KCNH7: variants seen among roughly 807,000 people sequenced by gnomAD.
KCNH7 encodes voltage-gated inwardly rectifying potassium channel KCNH7.
A neutral mutation model predicts 120.8 loss-of-function variants in KCNH7; 49 were observed. The observed-to-expected ratio is 0.41, with a 90% CI of 0.32 to 0.51. The LOEUF is 0.51. KCNH7 is among the 20% of genes least tolerant of loss of function. The probability of loss-of-function intolerance (pLI) is 0.38; values close to 1 mark genes in which losing one functional copy is unlikely to be tolerated. For missense variants in KCNH7, 1,097 were observed against 1,446.6 expected (o/e 0.76, Z 3.92); for synonymous variants, 547 against 516.1 (o/e 1.06, Z -0.81).
chr2:162,838,411 C>G (rs748566537), intron 1 of KCNH7, 32 bp downstream of exon 1: 4 of 1,575,130 alleles, frequency 2.5e-6, no homozygotes, highest in Admixed American at 3.3e-5. Flanking sequence ...AGGCAGAAAG[C>G]GAGGGCGAGA....
At chr2:162,667,031 T>C (rs1215771158) in intron 2 of KCNH7, among the ~76,000 whole-genome samples, 2,317 of 148,818 alleles carry the variant, frequency 0.016, 61 homozygotes, top group African/African-American at 0.055. Flanking sequence ...TTTTTTTTTT[T>C]TTTTTGGAGT....
At chr2:162,765,600 T>C (rs1461379093) in intron 2 of KCNH7, among the ~76,000 whole-genome samples, 1 of 152,178 alleles carries the variant, frequency 6.6e-6, no homozygotes, top group Non-Finnish European at 1.5e-5. Context: ...AAAATGTTTA[T>C]TGAATTTAAT....
intron 12 of KCNH7, among the ~76,000 whole-genome samples, chr2:162,388,875 C>T (rs980449157): frequency 6.6e-5 from 10 of 151,954 alleles, no homozygotes; most frequent in South Asian, 2.1e-4. Flanking sequence ...TACACTTCCA[C>T]TCTATTTTCT....
chr2:162,701,938 C>T (rs139096246), intron 2 of KCNH7, among the ~76,000 whole-genome samples: 1,850 of 151,076 alleles, frequency 0.012, 46 homozygotes, highest in African/African-American at 0.042. Context: ...ACTTGGGAGG[C>T]GGAGGTTGCA....
chr2:162,400,749 C>T (rs916046845), intron 9 of KCNH7, among the ~76,000 whole-genome samples: 4 of 151,890 alleles, frequency 2.6e-5, no homozygotes, highest in African/African-American at 9.7e-5. Context: ...ATGTGGCATA[C>T]TGTGCACAGA....
At chr2:162,748,979 CTTCCTTCCTTCT>C (rs1402233872) in intron 2 of KCNH7, among the ~76,000 whole-genome samples, 3,102 of 136,800 alleles carry the variant, frequency 0.023, 453 homozygotes, top group African/African-American at 0.049. Flanking sequence ...TCCTTCCTTC[CTTCCTTCCTTCT>C]TTCCTCTCTT....
chr2:162,640,136 G>A (rs1013130761), intron 2 of KCNH7, among the ~76,000 whole-genome samples: 24 of 152,178 alleles, frequency 1.6e-4, no homozygotes, highest in Admixed American at 5.9e-4. Context: ...TTGCTATACC[G>A]GTTTAACACA....
At chr2:162,795,216 A>T (rs772451635) in intron 2 of KCNH7, among the ~76,000 whole-genome samples, 79 of 152,188 alleles carry the variant, frequency 5.2e-4, no homozygotes, top group South Asian at 4.1e-4. Context: ...TGCAATTGCT[A>T]TTAAAATCTT....
chr2:162,635,116 A>C (rs1683909861), intron 2 of KCNH7, among the ~76,000 whole-genome samples: 1 of 152,226 alleles, frequency 6.6e-6, no homozygotes, highest in Middle Eastern at 3.4e-3. Flanking sequence ...AAGTTTTATC[A>C]TTCCAGAAAT....
chr2:162,392,890 GA>G lies in KCNH7; in HGVS notation c.2710+1498del, dbSNP rs59378335. 5.9e-4 allele frequency among the ~76,000 whole-genome samples: 88 copies of G among 149,530 alleles called. No homozygotes were observed. In the South Asian group the frequency reaches 6.7e-3, roughly 11 times the overall value. On this transcript the variant is annotated intron_variant, in intron 12 of 15. Transcript: ENST00000332142. Reference sequence around the variant, plus strand: ...GGTGACATAAACATAGCTGCATTTAGAAAAAAAAAATCAACAGAAGTCCAGT... The same window carrying G: ...GGTGACATAAACATAGCTGCATTTAGAAAAAAAAATCAACAGAAGTCCAGT...
intron 6 of KCNH7, among the ~76,000 whole-genome samples, chr2:162,461,735 C>T (rs994606884): frequency 6.6e-6 from 1 of 152,142 alleles, no homozygotes; most frequent in Non-Finnish European, 1.5e-5. Flanking sequence ...AGGAAACCAA[C>T]TGTTTTGTAA....
Position 162,630,617 on chromosome 2 carries a change from T to C in KCNH7, c.308-93537A>G, listed in dbSNP as rs188346757. Among the ~76,000 whole-genome samples the C allele has an allele frequency of 9.9e-4, 150 of 152,162 alleles. 1 individual carries two copies. The highest frequency in any genetic ancestry group is 3.4e-3 in the African/African-American group (141 of 41,546). On this transcript the variant is annotated intron_variant, in intron 2 of 15. Coordinates refer to ENST00000332142, the MANE Select transcript of KCNH7 (RefSeq NM_033272.4). ...CAGGCAGTGGTTTAAAATTAGACAA[T>C]AAAAACACTGAGTACCAAGTATCCT...
chr2:162,671,305 T>G (rs1685344294), intron 2 of KCNH7, among the ~76,000 whole-genome samples: 1 of 151,946 alleles, frequency 6.6e-6, no homozygotes, highest in South Asian at 2.1e-4. Context: ...GGAATCAACC[T>G]AAGTGTCCAC....
intron 6 of KCNH7, among the ~76,000 whole-genome samples, chr2:162,488,146 T>C (rs1690163845): frequency 6.6e-6 from 1 of 152,232 alleles, no homozygotes; most frequent in African/African-American, 2.4e-5. Flanking sequence ...CTGAGCCATC[T>C]TGACAACAGA....
intron 12 of KCNH7, among the ~76,000 whole-genome samples, chr2:162,389,352 A>AT: frequency 6.6e-6 from 1 of 152,110 alleles, no homozygotes; most frequent in South Asian, 2.1e-4. Context: ...CCCTTTTGAC[A>AT]TTGCTAAGGC....
intron 2 of KCNH7, among the ~76,000 whole-genome samples, chr2:162,537,521 T>A (rs1465986013): frequency 6.6e-6 from 1 of 152,096 alleles, no homozygotes; most frequent in Admixed American, 6.6e-5. Context: ...TTATGTGCTT[T>A]TTCTCTTTTA....
Position 162,396,943 on chromosome 2 carries a change from T to G in KCNH7, c.2410A>C (p.Lys804Gln), listed in dbSNP as rs1686928292. The change falls in exon 11 of 16, where the codon AAA (lysine) becomes CAA (glutamine). Residue 804 changes from lysine to glutamine, a missense_variant and splice_region_variant. Coordinates refer to ENST00000332142, the MANE Select transcript of KCNH7 (RefSeq NM_033272.4). ...KDDIVVAILG[K>Q]NDIFGEMVHL... ...ACCATTTCTCCAAATATATCATTTTTTCCTAAGAAAATATAAAGAAAAAGA... is the reference window on the plus strand; with the variant it reads ...ACCATTTCTCCAAATATATCATTTTGTCCTAAGAAAATATAAAGAAAAAGA... 6.3e-7 allele frequency: 1 copy of G among 1,598,428 alleles called. No homozygotes were observed. Among genetic ancestry groups the G allele is most frequent in the African/African-American group, 1.3e-5 (1 of 74,360 alleles).
At chr2:162,421,055 A>T (rs1014506974) in intron 9 of KCNH7, among the ~76,000 whole-genome samples, 2 of 152,082 alleles carry the variant, frequency 1.3e-5, no homozygotes, top group African/African-American at 2.4e-5. Context: ...GAGTGTTCAG[A>T]GTTATCTTGC....
intron 2 of KCNH7, among the ~76,000 whole-genome samples, chr2:162,815,617 C>T (rs1221690119): frequency 1.3e-5 from 2 of 152,202 alleles, no homozygotes; most frequent in African/African-American, 4.8e-5. Flanking sequence ...GGCAGACAAA[C>T]ACTGAGGAAG....
Sources: gnomAD v4.1 joint callset for allele counts (sites outside exome capture counted in the v4.1 genomes callset) on GRCh38, gnomAD v4.1.1 for gene constraint, MANE v1.5 for transcripts, NCBI Gene and HGNC (gene_info 2026-07-23, HGNC 2026-07-21) for gene names.